The following LSAMP variants were observed in gnomAD, a reference collection of about 807,000 sequenced individuals.
The protein encoded by LSAMP is limbic system associated membrane protein, also known as limbic system-associated membrane protein.
LSAMP carries 7 observed loss-of-function variants against 38.6 expected under a neutral mutation model. That is an observed-to-expected ratio of 0.18 (90% CI 0.10 to 0.34). LSAMP has a LOEUF of 0.34. LSAMP is among the 10% of genes least tolerant of loss of function. LSAMP has a pLI of 1.00. For synonymous variants in LSAMP, 154 were observed against 166.8 expected (o/e 0.92, Z 0.59); for missense variants, 313 against 420.0 (o/e 0.75, Z 2.23).
At position 116,185,067 on chromosome 3, in the gene LSAMP, G is replaced by C. The variant is rs534745806; in HGVS notation, c.156-98511C>G. Among the ~76,000 whole-genome samples the C allele has an allele frequency of 1.8e-4, 23 of 129,448 alleles. No individual in the cohort carries two copies. The Admixed American group carries it at 1.9e-3, about 11-fold the overall frequency. 84.9% of individuals were successfully genotyped at this position (129,448 alleles called of 152,430 possible). A position where few individuals can be genotyped will look rare whatever the true frequency, so the allele number is the denominator to read the frequency against. ...TTTTCAGTTCTCACATTTTGGCACA[G>C]TTTCCTTTCCTGGAGATTAATAGCT... On this transcript the variant is annotated intron_variant, in intron 1 of 6. Coordinates refer to ENST00000490035, the MANE Select transcript of LSAMP (RefSeq NM_002338.5).
At chr3:115,817,583 T>G (rs1934073130) in intron 6 of LSAMP, among the ~76,000 whole-genome samples, 1 of 152,214 alleles carries the variant, frequency 6.6e-6, no homozygotes. Flanking sequence ...TATGTAAAAC[T>G]TCTATAGGAC....
intron 1 of LSAMP, among the ~76,000 whole-genome samples, chr3:116,396,763 A>G (rs1416924208): frequency 6.6e-6 from 1 of 152,186 alleles, no homozygotes; most frequent in Admixed American, 6.5e-5. Context: ...AACTTCTGAT[A>G]TCCAAACATA....
intron 3 of LSAMP, among the ~76,000 whole-genome samples, chr3:115,977,957 C>T (rs1472704623): frequency 6.6e-6 from 1 of 151,832 alleles, no homozygotes; most frequent in Non-Finnish European, 1.5e-5. Flanking sequence ...ACCCCATAGT[C>T]TTTCTTTCTT....
chr3:115,968,934 C>T (rs1266434034), intron 3 of LSAMP, among the ~76,000 whole-genome samples: 1 of 152,220 alleles, frequency 6.6e-6, no homozygotes, highest in African/African-American at 2.4e-5. Context: ...TCCAGCAGCA[C>T]TGGCTGGGGT....
At chr3:115,902,161 G>T (rs534697173) in intron 3 of LSAMP, among the ~76,000 whole-genome samples, 5 of 152,092 alleles carry the variant, frequency 3.3e-5, no homozygotes, top group African/African-American at 1.2e-4. Flanking sequence ...AGAAATACTT[G>T]TTAAAAATGA....
chr3:116,069,750 T>C (rs4629329), intron 2 of LSAMP, among the ~76,000 whole-genome samples: 36,480 of 152,086 alleles, frequency 0.24, 4,505 homozygotes, highest in Admixed American at 0.28. Flanking sequence ...AAACAAGAGA[T>C]ATTTTGGAGG....
chr3:115,920,858 T>C (rs1289494913), intron 3 of LSAMP, among the ~76,000 whole-genome samples: 8 of 151,972 alleles, frequency 5.3e-5, no homozygotes, highest in Admixed American at 1.3e-4. Flanking sequence ...ATTTGCTTCA[T>C]ATTTTTGGGT....
At chr3:116,133,142 T>C (rs1041967072) in intron 1 of LSAMP, among the ~76,000 whole-genome samples, 2 of 152,172 alleles carry the variant, frequency 1.3e-5, no homozygotes, top group African/African-American at 4.8e-5. Flanking sequence ...CAATCAGCTA[T>C]AGGCAGGACA....
chr3:116,138,188 C>T (rs577715599), intron 1 of LSAMP, among the ~76,000 whole-genome samples: 3 of 152,142 alleles, frequency 2.0e-5, no homozygotes, highest in African/African-American at 7.2e-5. Flanking sequence ...TCCAACAGGG[C>T]TTGCAAATTA....
intron 3 of LSAMP, among the ~76,000 whole-genome samples, chr3:115,952,960 A>G (rs1938340061): frequency 6.6e-6 from 1 of 152,224 alleles, no homozygotes; most frequent in African/African-American, 2.4e-5. Flanking sequence ...AACCTTGTCA[A>G]AAACACTAGG....
chr3:116,115,248 T>C (rs569687884), intron 1 of LSAMP, among the ~76,000 whole-genome samples: 124 of 152,392 alleles, frequency 8.1e-4, no homozygotes, highest in Non-Finnish European at 1.4e-3. Context: ...GGCCAGAATT[T>C]GTTGAGCGTC....
chr3:115,852,291 T>C (rs1935358693), intron 4 of LSAMP, among the ~76,000 whole-genome samples, 192 bp downstream of exon 4: 1 of 152,226 alleles, frequency 6.6e-6, no homozygotes, highest in Non-Finnish European at 1.5e-5. Context: ...ATGGATTACA[T>C]TTAGAGTTGA....
At chr3:116,027,894 A>G (rs1940830432) in intron 2 of LSAMP, among the ~76,000 whole-genome samples, 1 of 152,160 alleles carries the variant, frequency 6.6e-6, no homozygotes, top group African/African-American at 2.4e-5. Flanking sequence ...GCCATTTCTA[A>G]TGGTACAAAT....
intron 3 of LSAMP, among the ~76,000 whole-genome samples, chr3:115,889,262 G>A (rs768516080): frequency 6.6e-6 from 1 of 151,930 alleles, no homozygotes; most frequent in Admixed American, 6.6e-5. Context: ...TTGAAATTAA[G>A]TATAAAACTT....
chr3:116,231,529 C>T (rs778178104), intron 1 of LSAMP, among the ~76,000 whole-genome samples: 3 of 152,156 alleles, frequency 2.0e-5, no homozygotes, highest in Non-Finnish European at 4.4e-5. Context: ...TATCTTAGGA[C>T]TATGTCAAGG....
chr3:115,908,707 T>C (rs1475947917), intron 3 of LSAMP, among the ~76,000 whole-genome samples: 2 of 152,172 alleles, frequency 1.3e-5, no homozygotes, highest in African/African-American at 4.8e-5. Context: ...GTTAATCCAT[T>C]ATACCTCTAG....
At chr3:115,988,706 A>G (rs1361628815) in intron 3 of LSAMP, among the ~76,000 whole-genome samples, 1 of 152,082 alleles carries the variant, frequency 6.6e-6, no homozygotes, top group African/African-American at 2.4e-5. Flanking sequence ...TTACTTCTTT[A>G]TATTCTTTTT....
chr3:115,858,075 G>A (rs889937746), intron 3 of LSAMP, among the ~76,000 whole-genome samples: 4 of 151,712 alleles, frequency 2.6e-5, no homozygotes, highest in Non-Finnish European at 4.4e-5. Flanking sequence ...ATATTTCCAT[G>A]GTGCTGCTTT....
chr3:116,343,300 G>C (rs948967809), intron 1 of LSAMP, among the ~76,000 whole-genome samples: 1 of 152,096 alleles, frequency 6.6e-6, no homozygotes, highest in African/African-American at 2.4e-5. Context: ...CTAAGTTACA[G>C]AAAGGACAGG....
Sources: allele counts gnomAD v4.1 joint callset (sites outside exome capture counted in the v4.1 genomes callset), GRCh38; gene constraint gnomAD v4.1.1; transcripts MANE v1.5; gene names NCBI Gene and HGNC (gene_info 2026-07-23, HGNC 2026-07-21).